The following CAMTA1 variants were observed in gnomAD, a reference collection of about 807,000 sequenced individuals.
CAMTA1 encodes calmodulin-binding transcription activator 1.
A neutral mutation model predicts 170.9 loss-of-function variants in CAMTA1; 27 were observed. The observed-to-expected ratio is 0.16, with a 90% confidence interval of 0.12 to 0.22. The LOEUF (loss-of-function observed/expected upper bound fraction) is 0.22, where lower values mean the gene tolerates loss of function less well. CAMTA1 is among the 10% of genes least tolerant of loss of function. The probability of loss-of-function intolerance (pLI) is 1.00; values close to 1 mark genes in which losing one functional copy is unlikely to be tolerated. For synonymous variants in CAMTA1, 833 were observed against 891.5 expected, an observed-to-expected ratio of 0.93 and a Z score of 1.17; for missense variants, 1,619 against 2,217.2, an observed-to-expected ratio of 0.73 and a Z score of 5.42.
At chr1:6,921,942 A>G (rs1571732491) in intron 3 of CAMTA1, among the ~76,000 whole-genome samples, 1 of 152,236 alleles carries the variant, frequency 6.6e-6, no homozygotes, top group East Asian at 1.9e-4. Flanking sequence ...GGGCTGACCC[A>G]GGATGGCCAA....
intron 11 of CAMTA1, among the ~76,000 whole-genome samples, chr1:7,710,854 G>T (rs971425330): frequency 6.6e-6 from 1 of 152,100 alleles, no homozygotes; most frequent in African/African-American, 2.4e-5. Context: ...CAGGAAGACA[G>T]CTCTTATTTC....
chr1:7,486,692 T>G (rs2093622505), intron 6 of CAMTA1, among the ~76,000 whole-genome samples: 1 of 152,210 alleles, frequency 6.6e-6, no homozygotes, highest in Non-Finnish European at 1.5e-5. Flanking sequence ...GTGTCCGGGA[T>G]GACCCAAGTG....
intron 1 of CAMTA1, among the ~76,000 whole-genome samples, chr1:6,810,588 C>T (rs987828417): frequency 1.3e-5 from 2 of 152,120 alleles, no homozygotes; most frequent in South Asian, 2.1e-4. Context: ...AGGCAGATCA[C>T]GAGGTCAGGA....
intron 3 of CAMTA1, among the ~76,000 whole-genome samples, chr1:6,936,909 A>C (rs1484088542): frequency 6.6e-6 from 1 of 152,064 alleles, no homozygotes; most frequent in Non-Finnish European, 1.5e-5. Flanking sequence ...AATGGCGTGA[A>C]CCCGAGAGGT....
rs1466057244 is a variant in CAMTA1 at position 7,455,235 on chromosome 1, T to C, written c.439-12595T>C. ...CAGGAGCCGCGGCTCGGCATGGTTC[T>C]GCGTGTGTGTTTCCGACACTGGCTC... On this transcript the variant is annotated intron_variant, in intron 5 of 22. Transcript: ENST00000303635. The surrounding 1 kb of genome is among the most constrained non-coding windows in gnomAD (Gnocchi z 5.0). Among the ~76,000 whole-genome samples, 1 of 152,218 alleles carries C rather than the reference T, an allele frequency of 6.6e-6. No individual in the cohort carries two copies. The highest frequency in any genetic ancestry group is 2.4e-5 in the African/African-American group (1 of 41,464).
intron 21 of CAMTA1, among the ~76,000 whole-genome samples, chr1:7,755,245 T>G (rs948869058): frequency 6.8e-6 from 1 of 147,178 alleles, no homozygotes; most frequent in Non-Finnish European, 1.5e-5. Context: ...GAGAATCTCT[T>G]GAACCTGGGA....
intron 5 of CAMTA1, among the ~76,000 whole-genome samples, chr1:7,256,130 A>G (rs1465517642): frequency 2.0e-5 from 3 of 152,222 alleles, no homozygotes; most frequent in Admixed American, 1.3e-4. Flanking sequence ...GGTAGAATCA[A>G]TTCAGGAGCT....
chr1:6,905,405 G>A (rs892574645), intron 3 of CAMTA1, among the ~76,000 whole-genome samples: 56 of 151,874 alleles, frequency 3.7e-4, no homozygotes, highest in African/African-American at 1.3e-3. Context: ...TGTTGGCCAG[G>A]GCTGGTGTTG....
intron 22 of CAMTA1, among the ~76,000 whole-genome samples, chr1:7,764,850 C>T (rs1294214248): frequency 6.6e-6 from 1 of 151,896 alleles, no homozygotes; most frequent in Admixed American, 6.6e-5. Context: ...ATCCCAGCTA[C>T]TCGGGAGGCT....
intron 9 of CAMTA1, among the ~76,000 whole-genome samples, 161 bp from the exon 10 acceptor site, chr1:7,670,750 A>T (rs147559913): frequency 1.1e-3 from 163 of 152,238 alleles, no homozygotes; most frequent in African/African-American, 3.7e-3. Flanking sequence ...GGTTCTCAGA[A>T]GTCGGGGCTC....
rs1460844001 is a variant in CAMTA1 at position 7,685,174 on chromosome 1, G to A, written c.2914+7441G>A. On this transcript the variant is annotated intron_variant, in intron 11 of 22. Transcript: ENST00000303635. This position sits in a 1 kb window ranked among gnomAD's most constrained non-coding sequence, Gnocchi z 5.7. Reference sequence around the variant, plus strand: ...CAGGCACCGTCCTGAGGTCACAGGTGGTGTGTTTTAAGGAGCATCACAGGA... The same window carrying A: ...CAGGCACCGTCCTGAGGTCACAGGTAGTGTGTTTTAAGGAGCATCACAGGA... Among the ~76,000 whole-genome samples the A allele has an allele frequency of 6.6e-6, 1 of 152,156 alleles. No individual in the cohort carries two copies. Among genetic ancestry groups the A allele is most frequent in the African/African-American group, 2.4e-5 (1 of 41,422 alleles).
intron 6 of CAMTA1, among the ~76,000 whole-genome samples, chr1:7,498,303 AGT>A (rs1182135870): frequency 2.0e-5 from 3 of 147,704 alleles, no homozygotes; most frequent in Non-Finnish European, 3.0e-5. Flanking sequence ...CGTGACAGTG[AGT>A]GTGGATGTGT....
At chr1:7,137,734 G>A (rs1479123496) in intron 4 of CAMTA1, among the ~76,000 whole-genome samples, 1 of 152,024 alleles carries the variant, frequency 6.6e-6, no homozygotes, top group Admixed American at 6.6e-5. Context: ...TCCCTCCCTC[G>A]TTTCCTTCAG....
chr1:7,602,387 A>G (rs1439399160), intron 6 of CAMTA1, among the ~76,000 whole-genome samples: 1 of 151,224 alleles, frequency 6.6e-6, no homozygotes, highest in Admixed American at 6.6e-5. Context: ...GTCTTGGGAG[A>G]GTGTATGTGT....
rs1330800789 is a variant in CAMTA1 at position 7,499,181 on chromosome 1, A to AGT, written c.510+31284_510+31285dup. 3.6e-5 allele frequency among the ~76,000 whole-genome samples: 4 copies of AGT among 110,236 alleles called. 1 individual carries two copies. Among genetic ancestry groups the AGT allele is most frequent in the African/African-American group, 1.5e-4 (4 of 27,526 alleles). 72.3% of individuals were successfully genotyped at this position (110,236 alleles called of 152,430 possible). ...GTGTGTGTGTGCATGTGTGTCCATGAGTGTGCAGAGAGGATGGTGTGATCC... is the reference window on the plus strand; with the variant it reads ...GTGTGTGTGTGCATGTGTGTCCATGAGTGTGTGCAGAGAGGATGGTGTGATCC... On this transcript the variant is annotated intron_variant, in intron 6 of 22. Coordinates refer to ENST00000303635, the MANE Select transcript of CAMTA1 (RefSeq NM_015215.4).
At chr1:7,329,889 G>C (rs2082914214) in intron 5 of CAMTA1, among the ~76,000 whole-genome samples, 1 of 152,046 alleles carries the variant, frequency 6.6e-6, no homozygotes, top group Non-Finnish European at 1.5e-5. Flanking sequence ...TACGCAACTG[G>C]CAAAAATACA....
intron 3 of CAMTA1, among the ~76,000 whole-genome samples, chr1:6,964,677 A>G (rs1050308809): frequency 1.4e-4 from 21 of 152,210 alleles, no homozygotes; most frequent in African/African-American, 4.8e-4. Flanking sequence ...ATTCCTTTGT[A>G]CACTTTTATA....
chr1:7,631,963 C>T (rs567406606), intron 6 of CAMTA1, among the ~76,000 whole-genome samples: 1 of 152,316 alleles, frequency 6.6e-6, no homozygotes, highest in Non-Finnish European at 1.5e-5. Context: ...GAGGATTTTG[C>T]TCAGTCCTGC....
Position 7,009,142 on chromosome 1 carries a change from A to ATG in CAMTA1, c.235-82160_235-82159dup, listed in dbSNP as rs541205624. Among the ~76,000 whole-genome samples, 514 of 152,348 alleles carry ATG rather than the reference A, an allele frequency of 3.4e-3. 2 individuals are homozygous for ATG. The highest frequency in any genetic ancestry group is 0.01 in the Middle Eastern group (3 of 294). On this transcript the variant is annotated intron_variant, in intron 3 of 22. Coordinates refer to ENST00000303635, the MANE Select transcript of CAMTA1 (RefSeq NM_015215.4). ...GGAGGGGACAGCAGGGGCCTTGGCCATGTCCCTTCCCTTTCTGGGCCCCGT... is the reference window on the plus strand; with the variant it reads ...GGAGGGGACAGCAGGGGCCTTGGCCATGTGTCCCTTCCCTTTCTGGGCCCCGT...
Sources: allele counts gnomAD v4.1 joint callset (sites outside exome capture counted in the v4.1 genomes callset), GRCh38; gene constraint gnomAD v4.1.1; non-coding constraint Gnocchi (gnomAD v3.1); transcripts MANE v1.5; gene names NCBI Gene and HGNC (gene_info 2026-07-23, HGNC 2026-07-21).